The following SLC25A37 variants were observed in gnomAD, a reference collection of about 807,000 sequenced individuals.
SLC25A37 encodes the protein mitoferrin-1.
SLC25A37 carries 17 observed loss-of-function variants against 31.0 expected under a neutral mutation model. The observed-to-expected ratio is 0.55, with a 90% CI of 0.38 to 0.82. The LOEUF (loss-of-function observed/expected upper bound fraction) is 0.82. Among genes scored for constraint, SLC25A37 ranks in the 40% least tolerant of loss-of-function variants. SLC25A37 has a pLI of 0.00. For missense variants in SLC25A37, 404 were observed against 465.8 expected (o/e 0.87, Z 1.22); for synonymous variants, 222 against 193.0 (o/e 1.15, Z -1.24).
intron 1 of SLC25A37, among the ~76,000 whole-genome samples, chr8:23,546,692 T>C (rs1246839217): frequency 6.6e-6 from 1 of 150,916 alleles, no homozygotes; most frequent in Non-Finnish European, 1.5e-5. Context: ...AAGGTAGATT[T>C]GTATTTAGCC....
At chr8:23,570,632 CTCTT>C (rs1487749006) in intron 3 of SLC25A37, among the ~76,000 whole-genome samples, 6 of 152,194 alleles carry the variant, frequency 3.9e-5, no homozygotes, top group Non-Finnish European at 5.9e-5. Context: ...CTCAAACTCT[CTCTT>C]TCTCCTTGTC....
chr8:23,538,639 G>T (rs1478194209), intron 1 of SLC25A37, among the ~76,000 whole-genome samples: 2 of 151,984 alleles, frequency 1.3e-5, no homozygotes, highest in Admixed American at 6.6e-5. Flanking sequence ...CGTTTCCTGA[G>T]TGCCCTCTTG....
chr8:23,554,419 A>T (rs147321682), intron 1 of SLC25A37, among the ~76,000 whole-genome samples: 5 of 152,308 alleles, frequency 3.3e-5, no homozygotes, highest in African/African-American at 1.2e-4. Flanking sequence ...AGTCCAGGGT[A>T]GTCCCTTCCC....
chr8:23,543,392 G>A (rs1801951648), intron 1 of SLC25A37, among the ~76,000 whole-genome samples: 1 of 152,134 alleles, frequency 6.6e-6, no homozygotes, highest in Admixed American at 6.5e-5. Flanking sequence ...ATGGAAGAAA[G>A]CAAAAGTTTA....
At chr8:23,549,634 G>A (rs1802169469) in intron 1 of SLC25A37, among the ~76,000 whole-genome samples, 1 of 152,186 alleles carries the variant, frequency 6.6e-6, no homozygotes. Flanking sequence ...AGTGTGAAAG[G>A]TGAAAGGTGT....
chr8:23,556,001 T>C (rs1802354319), intron 1 of SLC25A37, among the ~76,000 whole-genome samples: 1 of 152,220 alleles, frequency 6.6e-6, no homozygotes, highest in South Asian at 2.1e-4. Flanking sequence ...AGCAAGCTGG[T>C]TGGGCTCTTT....
At chr8:23,554,595 A>G (rs559067028) in intron 1 of SLC25A37, among the ~76,000 whole-genome samples, 1 of 152,232 alleles carries the variant, frequency 6.6e-6, no homozygotes, top group Admixed American at 6.5e-5. Context: ...GGCATGGGCC[A>G]GGCACAGACC....
At chr8:23,547,783 C>T (rs181464348) in intron 1 of SLC25A37, among the ~76,000 whole-genome samples, 11 of 152,312 alleles carry the variant, frequency 7.2e-5, no homozygotes, top group Non-Finnish European at 1.0e-4. Flanking sequence ...TAACTTCCAA[C>T]GACAACACTT....
At chr8:23,568,656 T>C (rs1802733244) in intron 3 of SLC25A37, 1 of 440,634 alleles carries the variant, frequency 2.3e-6, no homozygotes, top group Admixed American at 3.5e-5. Flanking sequence ...ATGCTAATTC[T>C]GAGGCTGGGT....
At chr8:23,558,783 G>T (rs1802433639) in intron 1 of SLC25A37, among the ~76,000 whole-genome samples, 1 of 152,200 alleles carries the variant, frequency 6.6e-6, no homozygotes, top group South Asian at 2.1e-4. Context: ...CTTGTCTCTT[G>T]ATTCCCCGGG....
intron 1 of SLC25A37, among the ~76,000 whole-genome samples, chr8:23,539,574 C>T (rs1217450558): frequency 2.6e-5 from 4 of 152,168 alleles, no homozygotes; most frequent in Admixed American, 2.0e-4. Context: ...GGTGTGGGCC[C>T]CGTGAATTTA....
At chr8:23,562,455 A>G (rs991746788) in intron 1 of SLC25A37, among the ~76,000 whole-genome samples, 1 of 152,222 alleles carries the variant, frequency 6.6e-6, no homozygotes, top group South Asian at 2.1e-4. Flanking sequence ...CCCGGTGGGT[A>G]TTCTAAGTTG....
In SLC25A37 at chr8:23,540,790, T is replaced by G. The variant is rs1291644208; in HGVS notation, c.210+11578T>G. 2.0e-5 allele frequency among the ~76,000 whole-genome samples: 3 copies of G among 152,138 alleles called. No homozygotes were observed. The East Asian group carries it at 5.8e-4, about 29-fold the overall frequency. On this transcript the variant is annotated intron_variant, in intron 1 of 3. Transcript: ENST00000519973. ...AAGGCTGCAGTTTTCTTATCTGAAA[T>G]AAGGAGGGGTAACGGTGCCCATCCT...
At position 23,574,212 on chromosome 8, in the gene SLC25A37, C is replaced by G; in HGVS notation, c.*2357C>G. On this transcript the variant is annotated 3_prime_UTR_variant, in exon 4 of 4. Coordinates refer to ENST00000519973, the MANE Select transcript of SLC25A37 (RefSeq NM_016612.4). The stretch of plus-strand genomic sequence containing the variant: ...CGTGTGGTGGCTCATGCCTGTAATC[C>G]CAGCACTTTGGGGAGGCCGAGGCAG... 4.6e-6 allele frequency: 1 copy of G among 219,076 alleles called. No individual in the cohort carries two copies. The highest frequency in any genetic ancestry group is 1.2e-4 in the East Asian group (1 of 8,136). 13.6% of individuals were successfully genotyped at this position (219,076 alleles called of 1,614,324 possible).
chr8:23,529,219 C>G lies in SLC25A37; in HGVS notation c.210+7C>G, dbSNP rs1234384529. Reference sequence around the variant, plus strand: ...CCCGGTGGACTCGGTGAAGGTGAGGCGCGGGGAGACTTCGGGGACGCAACG... The same window carrying G: ...CCCGGTGGACTCGGTGAAGGTGAGGGGCGGGGAGACTTCGGGGACGCAACG... On this transcript the variant is annotated splice_region_variant and intron_variant, in intron 1 of 3. Coordinates refer to ENST00000519973, the MANE Select transcript of SLC25A37 (RefSeq NM_016612.4). This position sits in a 1 kb window ranked among gnomAD's most constrained non-coding sequence, Gnocchi z 4.1. 5 of 1,602,662 alleles carry G rather than the reference C, an allele frequency of 3.1e-6. No individual in the cohort carries two copies. Among genetic ancestry groups the G allele is most frequent in the Non-Finnish European group, 4.3e-6 (5 of 1,175,558 alleles).
At chr8:23,532,577 A>G (rs1331326531) in intron 1 of SLC25A37, among the ~76,000 whole-genome samples, 7 of 152,216 alleles carry the variant, frequency 4.6e-5, no homozygotes, top group Admixed American at 2.0e-4. Flanking sequence ...AAGCAGGGGC[A>G]GAAGGAAACA....
intron 1 of SLC25A37, among the ~76,000 whole-genome samples, chr8:23,555,550 A>G (rs1000788049): frequency 3.3e-5 from 5 of 152,198 alleles, no homozygotes; most frequent in Non-Finnish European, 7.3e-5. Flanking sequence ...TGTGCAATGA[A>G]AACTCTTCAC....
Position 23,571,519 on chromosome 8 carries a change from C to A in SLC25A37, c.681C>A (p.Asn227Lys). The change falls in exon 4 of 4, where the codon AAC becomes AAA. Residue 227 changes from asparagine to lysine, a missense_variant. By Grantham distance (94) the Asn-to-Lys change is moderately conservative. Transcript: ENST00000519973. ...ITYEFLQEQV[N>K]PHRTYNPQSH... ...ATGAGTTCCTGCAGGAGCAGGTCAACCCCCACCGGACCTACAACCCGCAGT... is the reference window on the plus strand; with the variant it reads ...ATGAGTTCCTGCAGGAGCAGGTCAAACCCCACCGGACCTACAACCCGCAGT... 6.2e-7 allele frequency: 1 copy of A among 1,614,016 alleles called. No individual in the cohort carries two copies. Among genetic ancestry groups the A allele is most frequent in the Non-Finnish European group, 8.5e-7 (1 of 1,179,882 alleles).
chr8:23,548,778 G>A (rs1432686594), intron 1 of SLC25A37, among the ~76,000 whole-genome samples: 2 of 152,156 alleles, frequency 1.3e-5, no homozygotes, highest in African/African-American at 4.8e-5. Flanking sequence ...CCAAAGGCAA[G>A]AGATGAGGAC....
Sources: gnomAD v4.1 joint callset for allele counts (sites outside exome capture counted in the v4.1 genomes callset) on GRCh38, gnomAD v4.1.1 for gene constraint, Gnocchi (gnomAD v3.1) non-coding constraint, MANE v1.5 for transcripts, NCBI Gene and HGNC (gene_info 2026-07-23, HGNC 2026-07-21) for gene names.